The following ZBTB20 variants were observed in gnomAD, a reference collection of about 807,000 sequenced individuals.
The protein encoded by ZBTB20 is zinc finger and BTB domain containing 20, also known as zinc finger and BTB domain-containing protein 20.
A neutral mutation model predicts 56.9 loss-of-function variants in ZBTB20; 9 were observed. The observed-to-expected ratio is 0.16, with a 90% CI of 0.10 to 0.28. The LOEUF (loss-of-function observed/expected upper bound fraction) is 0.28, where lower values mean the gene tolerates loss of function less well. Ranked by LOEUF, ZBTB20 falls within the 10% of genes least tolerant of loss-of-function variation. The probability of loss-of-function intolerance (pLI) is 1.00; values close to 1 mark genes in which losing one functional copy is unlikely to be tolerated. For missense variants in ZBTB20, 655 were observed against 1,003.0 expected (o/e 0.65, Z 4.69); for synonymous variants, 417 against 420.7 (o/e 0.99, Z 0.11).
intron 5 of ZBTB20, among the ~76,000 whole-genome samples, chr3:114,724,839 T>G (rs1578542613): frequency 6.6e-6 from 1 of 152,002 alleles, no homozygotes; most frequent in Non-Finnish European, 1.5e-5. Context: ...AAAAAGAGAG[T>G]GAGTCCAAAT....
chr3:114,513,735 G>A (rs1371757600), intron 6 of ZBTB20, among the ~76,000 whole-genome samples: 3 of 152,178 alleles, frequency 2.0e-5, no homozygotes, highest in East Asian at 1.9e-4. Flanking sequence ...AAGGGAACTC[G>A]GGAAAAGAAA....
chr3:115,051,107 A>G (rs1382628128), intron 2 of ZBTB20, among the ~76,000 whole-genome samples: 1 of 152,028 alleles, frequency 6.6e-6, no homozygotes, highest in Non-Finnish European at 1.5e-5. Flanking sequence ...TCTTGGCTAA[A>G]TTTTTTTGCT....
At chr3:115,083,989 A>G (rs549790153) in intron 1 of ZBTB20, among the ~76,000 whole-genome samples, 5 of 151,972 alleles carry the variant, frequency 3.3e-5, no homozygotes, top group Admixed American at 2.0e-4. Flanking sequence ...AGTTTAGTGG[A>G]TATTGTCTGT....
At chr3:114,904,672 T>C (rs2075255848) in intron 3 of ZBTB20, among the ~76,000 whole-genome samples, 1 of 151,994 alleles carries the variant, frequency 6.6e-6, no homozygotes. Context: ...GTAAGAACTA[T>C]AAATTGTCAA....
At chr3:114,459,708 A>G (rs2092235450) in intron 7 of ZBTB20, among the ~76,000 whole-genome samples, 1 of 152,162 alleles carries the variant, frequency 6.6e-6, no homozygotes, top group Admixed American at 6.5e-5. Flanking sequence ...TCCTAAGATT[A>G]GTGATTTGAT....
intron 6 of ZBTB20, among the ~76,000 whole-genome samples, chr3:114,542,288 T>C (rs2049202408): frequency 6.6e-6 from 1 of 152,094 alleles, no homozygotes; most frequent in Non-Finnish European, 1.5e-5. Context: ...AAATAGAAAA[T>C]GTGCTTGAGA....
intron 6 of ZBTB20, among the ~76,000 whole-genome samples, chr3:114,692,013 T>C (rs2062726574): frequency 6.6e-6 from 1 of 152,014 alleles, no homozygotes; most frequent in Non-Finnish European, 1.5e-5. Context: ...AGAAGGGAAA[T>C]ACACCCACAG....
chr3:114,436,060 T>G (rs2090491164), intron 7 of ZBTB20, among the ~76,000 whole-genome samples: 1 of 152,234 alleles, frequency 6.6e-6, no homozygotes, highest in South Asian at 2.1e-4. Flanking sequence ...GAGAACAGGC[T>G]GCTGGTGCAA....
chr3:114,906,079 T>C (rs1277124018), intron 3 of ZBTB20, among the ~76,000 whole-genome samples: 1 of 151,860 alleles, frequency 6.6e-6, no homozygotes, highest in East Asian at 1.9e-4. Flanking sequence ...CACTAGATTG[T>C]ATACTCCATA....
intron 4 of ZBTB20, among the ~76,000 whole-genome samples, chr3:114,842,387 C>T (rs1019728719): frequency 1.3e-5 from 2 of 152,134 alleles, no homozygotes; most frequent in African/African-American, 4.8e-5. Flanking sequence ...CTTAGAGCTT[C>T]CAACCTCCCT....
intron 1 of ZBTB20, among the ~76,000 whole-genome samples, chr3:115,073,208 T>C (rs2082473940): frequency 6.6e-6 from 1 of 152,194 alleles, no homozygotes; most frequent in Admixed American, 6.6e-5. Flanking sequence ...AAGAAAAGCA[T>C]TGCTTCCTCA....
At chr3:114,669,079 C>G (rs967679375) in intron 6 of ZBTB20, among the ~76,000 whole-genome samples, 2 of 152,082 alleles carry the variant, frequency 1.3e-5, no homozygotes, top group Admixed American at 6.6e-5. Flanking sequence ...TTTGCCACCC[C>G]CTTCCCCACC....
chr3:115,074,742 ATGACTCAGGGAGGTAGAATCC>A (rs2082534601), intron 1 of ZBTB20, among the ~76,000 whole-genome samples: 1 of 152,174 alleles, frequency 6.6e-6, no homozygotes, highest in Non-Finnish European at 1.5e-5. Flanking sequence ...TTATCAGACC[ATGACTCAGGGAGGTAGAATCC>A]TAACAGAGAT....
chr3:115,014,097 T>G (rs560299880), intron 2 of ZBTB20, among the ~76,000 whole-genome samples: 1 of 151,718 alleles, frequency 6.6e-6, no homozygotes, highest in African/African-American at 2.4e-5. Context: ...CAGAATGAGA[T>G]CCTGTCATTT....
chr3:114,353,703 C>T (rs973512069), intron 10 of ZBTB20, among the ~76,000 whole-genome samples: 1 of 152,262 alleles, frequency 6.6e-6, no homozygotes, highest in African/African-American at 2.4e-5. Flanking sequence ...TTGCTGAGTT[C>T]GCCATACATA....
At chr3:114,457,144 G>A (rs1227740446) in intron 7 of ZBTB20, among the ~76,000 whole-genome samples, 1 of 152,236 alleles carries the variant, frequency 6.6e-6, no homozygotes, top group Non-Finnish European at 1.5e-5. Context: ...AAGCAGTGGA[G>A]TGCTTAGTAA....
chr3:115,086,003 T>G (rs951387177), intron 1 of ZBTB20, among the ~76,000 whole-genome samples: 1 of 151,910 alleles, frequency 6.6e-6, no homozygotes, highest in African/African-American at 2.4e-5. Flanking sequence ...GGGCGTTGTA[T>G]TTCTTTCTCT....
At chr3:114,353,811 A>T (rs2080933605) in intron 10 of ZBTB20, among the ~76,000 whole-genome samples, 1 of 152,192 alleles carries the variant, frequency 6.6e-6, no homozygotes, top group Admixed American at 6.5e-5. Flanking sequence ...CAACCATGGG[A>T]AGTAGATGAT....
chr3:114,799,300 A>T (rs981666013), intron 5 of ZBTB20, among the ~76,000 whole-genome samples: 1 of 151,950 alleles, frequency 6.6e-6, no homozygotes, highest in African/African-American at 2.4e-5. Context: ...AAGTGGAAAA[A>T]TGCTGAAGAC....
Sources: gnomAD v4.1 joint callset for allele counts (sites outside exome capture counted in the v4.1 genomes callset) on GRCh38, gnomAD v4.1.1 for gene constraint, MANE v1.5 for transcripts, NCBI Gene and HGNC (gene_info 2026-07-23, HGNC 2026-07-21) for gene names.